MYG1: variants seen among roughly 807,000 people sequenced by gnomAD.
MYG1 encodes the protein MYG1 exonuclease.
A neutral mutation model predicts 43.5 loss-of-function variants in MYG1; 36 were observed. That is an observed-to-expected ratio of 0.83 (90% CI 0.63 to 1.09). The LOEUF is 1.09. MYG1 is among the 50% of genes least tolerant of loss of function. The probability of loss-of-function intolerance (pLI) is 0.00; values close to 1 mark genes in which losing one functional copy is unlikely to be tolerated. For missense variants in MYG1, 529 were observed against 495.1 expected, an observed-to-expected ratio of 1.07 and a Z score of -0.65; for synonymous variants, 220 against 202.8, an observed-to-expected ratio of 1.08 and a Z score of -0.72.
chr12:53,302,571 G>A (rs976741748), intron 2 of MYG1, among the ~76,000 whole-genome samples: 2 of 152,144 alleles, frequency 1.3e-5, no homozygotes, highest in Non-Finnish European at 1.5e-5. Context: ...CACAGATAAA[G>A]TCCGATGGTC....
chr12:53,305,766 C>G (rs945181201), intron 3 of MYG1, 142 bp from the exon 4 acceptor site: 4 of 1,108,050 alleles, frequency 3.6e-6, no homozygotes, highest in East Asian at 5.2e-5. Flanking sequence ...GCTGAACTTG[C>G]CAATTCTCCC....
At position 53,306,313 on chromosome 12, in the gene MYG1, G is replaced by T; in HGVS notation, c.758G>T (p.Arg253Leu). ...RALVEEALAQ[R>L]FQVDPSGEIV... is the part of the protein sequence containing the mutation. ...TTGGTGGAAGAGGCCCTTGCCCAGC[G>T]ATTCCAGGTATAGGCCTTGGAGGAG... is the stretch of plus-strand genomic sequence containing the variant. The change falls in exon 5 of 7, where the codon CGA becomes CTA. Residue 253 changes from arginine to leucine, a missense_variant. Arg to Leu is a moderately radical substitution (Grantham distance 102, BLOSUM62 -2). Coordinates refer to ENST00000267103, the MANE Select transcript of MYG1 (RefSeq NM_021640.4). The T allele has an allele frequency of 4.3e-6, 7 of 1,614,148 alleles. No homozygotes were observed. The highest frequency in any genetic ancestry group is 5.9e-6 in the Non-Finnish European group (7 of 1,180,008).
Position 53,307,014 on chromosome 12 carries a change from C to T in MYG1, c.996C>T (p.Asp332=). The change falls in exon 7 of 7, where the codon GAC becomes GAT. Residue 332 remains aspartate, a synonymous_variant. Coordinates refer to ENST00000267103, the MANE Select transcript of MYG1 (RefSeq NM_021640.4). The stretch of plus-strand genomic sequence containing the variant: ...GGGGTCTTCGGGACGAGGCCCTGGA[C>T]CAGGTCAGTGGGATCCCTGGCTGCA... The part of the protein sequence containing the change: ...PWRGLRDEAL[D]QVSGIPGCIF... The T allele has an allele frequency of 1.2e-6, 2 of 1,614,230 alleles. No individual in the cohort carries two copies. Among genetic ancestry groups the T allele is most frequent in the Non-Finnish European group, 1.7e-6 (2 of 1,180,028 alleles).
chr12:53,305,018 G>T (rs1292302033), intron 3 of MYG1, among the ~76,000 whole-genome samples: 1 of 151,560 alleles, frequency 6.6e-6, no homozygotes, highest in Non-Finnish European at 1.5e-5. Flanking sequence ...ACAGGCGCCC[G>T]CCACTACGCC....
chr12:53,300,133 C>G lies in MYG1; in HGVS notation c.217-17C>G, dbSNP rs1592505720. The G allele has an allele frequency of 6.3e-7, 1 of 1,582,500 alleles. No homozygotes were observed. On this transcript the variant is annotated splice_polypyrimidine_tract_variant and intron_variant, in intron 1 of 6. Coordinates refer to ENST00000267103, the MANE Select transcript of MYG1 (RefSeq NM_021640.4). The stretch of plus-strand genomic sequence containing the variant: ...CGGCGACACCCGGCAGCCCCTTCAC[C>G]CCTGTGTACCTCGCAGGATGCAGAG...
chr12:53,302,982 G>T (rs1944242397), intron 2 of MYG1, 52 bp from the exon 3 acceptor site: 1 of 1,507,730 alleles, frequency 6.6e-7, no homozygotes, highest in Non-Finnish European at 8.9e-7. Flanking sequence ...TGAATGCATG[G>T]AGACTCTAGC....
intron 5 of MYG1, 87 bp downstream of exon 5, chr12:53,306,407 G>A (rs900071871): frequency 5.8e-6 from 9 of 1,562,372 alleles, no homozygotes; most frequent in Non-Finnish European, 7.8e-6. Flanking sequence ...CTAAACCCTG[G>A]AGTGCAGTGG....
chr12:53,299,993 C>T, intron 1 of MYG1, 40 bp downstream of exon 1: 1 of 1,608,574 alleles, frequency 6.2e-7, no homozygotes, highest in Non-Finnish European at 8.5e-7. Context: ...TGCGTGCATG[C>T]ATGCCTCCGG....
chr12:53,301,658 C>G (rs1253437248), intron 2 of MYG1, among the ~76,000 whole-genome samples: 1 of 152,182 alleles, frequency 6.6e-6, no homozygotes, highest in Non-Finnish European at 1.5e-5. Flanking sequence ...CTCAACTGAT[C>G]TCTTTAGCAC....
intron 3 of MYG1, among the ~76,000 whole-genome samples, chr12:53,304,608 A>T (rs1944256616): frequency 6.6e-6 from 1 of 150,378 alleles, no homozygotes; most frequent in Non-Finnish European, 1.5e-5. Context: ...TTTAACCCGT[A>T]TTTTTTTTTG....
rs371992654 is a variant in MYG1, at chr12:53,306,019, C to T, written c.601C>T (p.Arg201Ter). 8 of 1,613,996 alleles carry T rather than the reference C, an allele frequency of 5.0e-6. No homozygotes were observed. The highest frequency in any genetic ancestry group is 1.1e-5 in the South Asian group (1 of 91,050). ...LTTTLSARVA[R>*]LNPTWNHPDQ... is the part of the protein sequence containing the mutation. ...CACTACCCTGAGTGCACGAGTTGCT[C>T]GACTTAATCCTACCTGGAACCACCC... is the stretch of plus-strand genomic sequence containing the variant. Residue 201 changes from arginine to a stop codon, truncating the protein, a stop_gained, in exon 4 of 7, where the codon CGA becomes TGA. Transcript: ENST00000267103. LOFTEE classifies it high-confidence loss of function.
At position 53,306,879 on chromosome 12, in the gene MYG1, C is replaced by T; in HGVS notation, c.947+18C>T. 1 of 1,610,176 alleles carries T rather than the reference C, an allele frequency of 6.2e-7. No individual in the cohort carries two copies. Among genetic ancestry groups the T allele is most frequent in the Non-Finnish European group, 8.5e-7 (1 of 1,177,742 alleles). On this transcript the variant is annotated intron_variant, in intron 6 of 6. Coordinates refer to ENST00000267103, the MANE Select transcript of MYG1 (RefSeq NM_021640.4). ...CAAAGCCGGTGAGGCCCTAGGGAACCACTCTGCAGACCTTCAGGCTTGTCT... is the reference window on the plus strand; with the variant it reads ...CAAAGCCGGTGAGGCCCTAGGGAACTACTCTGCAGACCTTCAGGCTTGTCT...
At chr12:53,302,922 TA>T in intron 2 of MYG1, 111 bp from the exon 3 acceptor site, 1 of 1,251,672 alleles carries the variant, frequency 8.0e-7, no homozygotes, top group Non-Finnish European at 1.1e-6. Context: ...CCTTAATGTC[TA>T]ATAAAACATA....
At position 53,306,704 on chromosome 12, in the gene MYG1, GAACTGGCGA is replaced by G; in HGVS notation, c.793_801del (p.Leu265_Lys267del). On this transcript the variant is annotated inframe_deletion, in exon 6 of 7. Coordinates refer to ENST00000267103, the MANE Select transcript of MYG1 (RefSeq NM_021640.4). ...GGTGGACCCAAGTGGAGAGATTGTG[GAACTGGCGA>G]AAGGTGCATGTCCCTGGAAGGAGCA... is the stretch of plus-strand genomic sequence containing the variant. 1 of 1,613,864 alleles carries G rather than the reference GAACTGGCGA, an allele frequency of 6.2e-7. No homozygotes were observed. Among genetic ancestry groups the G allele is most frequent in the South Asian group, 1.1e-5 (1 of 91,052 alleles).
At chr12:53,305,821 G>T in intron 3 of MYG1, 87 bp from the exon 4 acceptor site, 1 of 1,471,826 alleles carries the variant, frequency 6.8e-7, no homozygotes. Flanking sequence ...AGGGCTGAAA[G>T]AGTGTGTATG....
At chr12:53,303,295 C>A in intron 3 of MYG1, 102 bp downstream of exon 3, 1 of 1,352,208 alleles carries the variant, frequency 7.4e-7, no homozygotes, top group Non-Finnish European at 1.0e-6. Flanking sequence ...GGTCAGGGTT[C>A]CTGGCCTATA....
intron 3 of MYG1, among the ~76,000 whole-genome samples, chr12:53,304,899 C>T (rs1409392516): frequency 3.3e-5 from 4 of 122,774 alleles, no homozygotes; most frequent in Admixed American, 1.0e-4. Context: ...GACGGAGTCT[C>T]GCTCTGTCGC....
chr12:53,302,142 C>T (rs1944237435), intron 2 of MYG1, among the ~76,000 whole-genome samples: 1 of 152,150 alleles, frequency 6.6e-6, no homozygotes. Flanking sequence ...CCACCATGTC[C>T]GGCTAATTTT....
chr12:53,305,499 G>A (rs1457628517), intron 3 of MYG1, among the ~76,000 whole-genome samples: 3 of 151,920 alleles, frequency 2.0e-5, no homozygotes, highest in South Asian at 2.1e-4. Context: ...AACCAGAGCC[G>A]CTCCTGCACC....
Sources: allele counts gnomAD v4.1 joint callset (sites outside exome capture counted in the v4.1 genomes callset), GRCh38; gene constraint gnomAD v4.1.1; transcripts MANE v1.5; gene names NCBI Gene and HGNC (gene_info 2026-07-23, HGNC 2026-07-21).